Variants in HDGFL3 observed in about 807,000 individuals in gnomAD.
HDGFL3 encodes the protein hepatoma-derived growth factor-related protein 3.
HDGFL3 carries 6 observed loss-of-function variants against 27.6 expected under a neutral mutation model. The ratio of observed to expected loss-of-function variants is 0.22; its 90% confidence interval spans 0.12 to 0.43. HDGFL3 has a LOEUF of 0.43. Among genes scored for constraint, HDGFL3 ranks in the 20% least tolerant of loss-of-function variants. HDGFL3 has a pLI of 1.00. For synonymous variants in HDGFL3, 88 were observed against 88.9 expected (o/e 0.99, Z 0.05); for missense variants, 207 against 250.1 (o/e 0.83, Z 1.16).
At chr15:83,170,890 A>G (rs970758964) in intron 1 of HDGFL3, among the ~76,000 whole-genome samples, 1 of 151,940 alleles carries the variant, frequency 6.6e-6, no homozygotes, top group African/African-American at 2.4e-5. Flanking sequence ...AAAAAAAAAA[A>G]ACAAATAATC....
chr15:83,189,870 T>C (rs1377002806), intron 1 of HDGFL3, among the ~76,000 whole-genome samples: 1 of 152,220 alleles, frequency 6.6e-6, no homozygotes, highest in Non-Finnish European at 1.5e-5. Flanking sequence ...CTCATTCATA[T>C]TTAATGCGGC....
chr15:83,136,639 C>T lies in HDGFL3; in HGVS notation c.*2631G>A. 1 of 1,600,054 alleles carries T rather than the reference C, an allele frequency of 6.2e-7. No individual in the cohort carries two copies. The highest frequency in any genetic ancestry group is 8.5e-7 in the Non-Finnish European group (1 of 1,176,530). On this transcript the variant is annotated 3_prime_UTR_variant, in exon 6 of 6. Transcript: ENST00000299633. The stretch of plus-strand genomic sequence containing the variant: ...GTTGTATCTACAAACCAGAGTTCTT[C>T]ATAAAAACAAAGGCAGAAGAAAAAG...
intron 4 of HDGFL3, among the ~76,000 whole-genome samples, chr15:83,153,381 T>G (rs1441744048): frequency 1.3e-5 from 2 of 152,198 alleles, no homozygotes; most frequent in Non-Finnish European, 2.9e-5. Context: ...AGGATCTTTA[T>G]GAGTAACCTT....
chr15:83,146,419 G>T (rs531661598), intron 5 of HDGFL3, among the ~76,000 whole-genome samples: 4 of 152,204 alleles, frequency 2.6e-5, no homozygotes, highest in African/African-American at 9.6e-5. Context: ...CACTGTCATC[G>T]GCAACTACTG....
In HDGFL3 at chr15:83,162,126, T is replaced by C. The variant is rs547148332; in HGVS notation, c.161+1873A>G. On this transcript the variant is annotated intron_variant, in intron 2 of 5. Transcript: ENST00000299633. ...CTGCATCATTTAACTAATTTTAATT[T>C]AATTGATAGCTATTTTTTAAACACC... 6.8e-4 allele frequency among the ~76,000 whole-genome samples: 104 copies of C among 152,304 alleles called. No individual in the cohort carries two copies. In the South Asian group the frequency reaches 0.019, roughly 27 times the overall value.
chr15:83,153,269 C>G (rs553195409), intron 4 of HDGFL3, among the ~76,000 whole-genome samples: 11 of 152,094 alleles, frequency 7.2e-5, no homozygotes, highest in Non-Finnish European at 8.8e-5. Flanking sequence ...CTGCCCGCCT[C>G]GGCCTCCCAA....
At chr15:83,112,997 C>A in exon 4 of HDGFL3, 1 of 1,053,064 alleles carries the variant, frequency 9.5e-7, no homozygotes, top group Non-Finnish European at 1.5e-6. Context: ...ATACTCTGAG[C>A]CCTTTGGTAA....
chr15:83,154,212 C>T (rs186603655), intron 4 of HDGFL3, among the ~76,000 whole-genome samples: 8 of 151,332 alleles, frequency 5.3e-5, no homozygotes, highest in Admixed American at 2.6e-4. Flanking sequence ...GATGTACGCC[C>T]GTGGTCCCAG....
In HDGFL3 at chr15:83,135,240, G is replaced by A. The variant is rs2036532609; in HGVS notation, c.*4030C>T. The A allele has an allele frequency of 1.3e-5, 2 of 152,156 alleles. No individual in the cohort carries two copies. Among genetic ancestry groups the A allele is most frequent in the Admixed American group, 1.3e-4 (2 of 15,280 alleles). 9.4% of individuals were successfully genotyped at this position (152,156 alleles called of 1,614,324 possible). A position where few individuals can be genotyped will look rare whatever the true frequency, so the allele number is the denominator to read the frequency against. Reference sequence around the variant, plus strand: ...ATAAAGATGCTGCTTAAAAAAACTTGTCCTTTTCTTGTCATGGTGAAGTCA... The same window carrying A: ...ATAAAGATGCTGCTTAAAAAAACTTATCCTTTTCTTGTCATGGTGAAGTCA... On this transcript the variant is annotated 3_prime_UTR_variant, in exon 6 of 6. Coordinates refer to ENST00000299633, the MANE Select transcript of HDGFL3 (RefSeq NM_016073.4).
chr15:83,155,499 C>G (rs17567869), intron 4 of HDGFL3, among the ~76,000 whole-genome samples: 37,302 of 152,020 alleles, frequency 0.25, 4,803 homozygotes, highest in African/African-American at 0.31. Context: ...TAAATGAAGT[C>G]CAAAATGCTA....
At chr15:83,118,879 A>C (rs1185356968) in intron 3 of HDGFL3, among the ~76,000 whole-genome samples, 1 of 152,188 alleles carries the variant, frequency 6.6e-6, no homozygotes, top group Non-Finnish European at 1.5e-5. Context: ...TTCGTCATAT[A>C]ATCTTGTGTT....
Position 83,139,361 on chromosome 15 carries a change from A to G in HDGFL3, c.607-86T>C, listed in dbSNP as rs899107648. 2.6e-5 allele frequency: 20 copies of G among 771,396 alleles called. No individual in the cohort carries two copies. The Admixed American group carries it at 4.9e-4, about 19-fold the overall frequency. 47.8% of individuals were successfully genotyped at this position (771,396 alleles called of 1,614,324 possible). A position where few individuals can be genotyped will look rare whatever the true frequency, so the allele number is the denominator to read the frequency against. On this transcript the variant is annotated intron_variant, in intron 5 of 5. Coordinates refer to ENST00000299633, the MANE Select transcript of HDGFL3 (RefSeq NM_016073.4). Reference sequence around the variant, plus strand: ...AGAGCTATCCACACCTAGATAGTACATAATTGGGTTTTCTGAAATTTTAAT... The same window carrying G: ...AGAGCTATCCACACCTAGATAGTACGTAATTGGGTTTTCTGAAATTTTAAT...
chr15:83,165,789 C>A (rs1415077434), intron 1 of HDGFL3, among the ~76,000 whole-genome samples: 2 of 64,846 alleles, frequency 3.1e-5, no homozygotes, highest in Middle Eastern at 0.017. Context: ...AGCAAGAATC[C>A]ATCTCAAAAA....
intron 1 of HDGFL3, among the ~76,000 whole-genome samples, chr15:83,173,211 CA>C (rs2037267896): frequency 1.3e-5 from 2 of 152,184 alleles, no homozygotes; most frequent in Admixed American, 1.3e-4. Context: ...AATTCATACA[CA>C]TTTAGTAGAA....
intron 1 of HDGFL3, among the ~76,000 whole-genome samples, chr15:83,200,931 G>A (rs2037637866): frequency 6.8e-6 from 1 of 147,882 alleles, no homozygotes; most frequent in African/African-American, 2.5e-5. Flanking sequence ...GACTAAATGT[G>A]GTAAATTCTT....
At chr15:83,178,724 T>A (rs1229335998) in intron 1 of HDGFL3, among the ~76,000 whole-genome samples, 3 of 152,182 alleles carry the variant, frequency 2.0e-5, no homozygotes, top group African/African-American at 7.2e-5. Context: ...AAAAATTGGG[T>A]TACCATTTTC....
At chr15:83,148,579 A>C (rs2036928035) in intron 5 of HDGFL3, among the ~76,000 whole-genome samples, 1 of 151,836 alleles carries the variant, frequency 6.6e-6, no homozygotes, top group Non-Finnish European at 1.5e-5. Context: ...CCAAGATCGC[A>C]CCACTGTACT....
intron 1 of HDGFL3, among the ~76,000 whole-genome samples, chr15:83,182,887 T>C (rs1161373201): frequency 6.6e-6 from 1 of 152,216 alleles, no homozygotes; most frequent in Non-Finnish European, 1.5e-5. Context: ...GAACAGAGAT[T>C]GTTAGATGGA....
intron 1 of HDGFL3, among the ~76,000 whole-genome samples, chr15:83,166,920 G>A (rs1406325745): frequency 6.6e-6 from 1 of 152,160 alleles, no homozygotes; most frequent in Non-Finnish European, 1.5e-5. Context: ...CCAACACTGG[G>A]ATTATAATTT....
Sources: allele counts gnomAD v4.1 joint callset (sites outside exome capture counted in the v4.1 genomes callset), GRCh38; gene constraint gnomAD v4.1.1; transcripts MANE v1.5; gene names NCBI Gene and HGNC (gene_info 2026-07-23, HGNC 2026-07-21).